Variants in CYB5R1 observed in about 807,000 individuals in gnomAD.
CYB5R1 encodes cytochrome b5 reductase 1.
A neutral mutation model predicts 37.4 loss-of-function variants in CYB5R1; 32 were observed. The ratio of observed to expected loss-of-function variants is 0.86; its 90% CI spans 0.65 to 1.15. The LOEUF (loss-of-function observed/expected upper bound fraction) is 1.15, where lower values mean the gene tolerates loss of function less well. CYB5R1 is among the 50% of genes most tolerant of loss of function. CYB5R1 has a pLI of 0.00. For synonymous variants in CYB5R1, 159 were observed against 155.2 expected (o/e 1.02, Z -0.18); for missense variants, 345 against 382.5 (o/e 0.90, Z 0.82).
chr1:202,965,343 C>T (rs1248186806), intron 5 of CYB5R1, 28 bp downstream of exon 5: 2 of 1,543,148 alleles, frequency 1.3e-6, no homozygotes, highest in African/African-American at 1.4e-5. Flanking sequence ...AAGTGGGAGA[C>T]AGGCTCAAGG....
At chr1:202,965,646 T>TTGAG in intron 4 of CYB5R1, 146 bp from the exon 5 acceptor site, 1 of 1,070,418 alleles carries the variant, frequency 9.3e-7, no homozygotes, top group Non-Finnish European at 1.3e-6. Flanking sequence ...TCTTTTTTTT[T>TTGAG]TTTGAGTCAG....
rs775782124 is a variant in CYB5R1 at position 202,965,406 on chromosome 1, C to G, written c.440G>C (p.Arg147Pro). Residue 147 changes from arginine to proline, a missense_variant, in exon 5 of 9, where the codon CGG becomes CCG. By Grantham distance (103) the Arg-to-Pro change is moderately radical. Coordinates refer to ENST00000367249, the MANE Select transcript of CYB5R1 (RefSeq NM_016243.3). ...GTAAGTGAGCAACCCGCTTGGCCCC[C>G]GAAACTCCACCACATCCCCAACCTT... is the stretch of plus-strand genomic sequence containing the variant. ...SLKVGDVVEF[R>P]GPSGLLTYTG... 6.2e-7 allele frequency: 1 copy of G among 1,603,292 alleles called. No individual in the cohort carries two copies. Among genetic ancestry groups the G allele is most frequent in the Non-Finnish European group, 8.5e-7 (1 of 1,174,872 alleles).
intron 5 of CYB5R1, chr1:202,965,066 C>T (rs1571577439): frequency 2.4e-6 from 1 of 408,192 alleles, no homozygotes; most frequent in South Asian, 3.3e-5. Flanking sequence ...TGAAAGCTAT[C>T]TCTGGCTCAC....
At position 202,964,148 on chromosome 1, in the gene CYB5R1, G is replaced by A. The variant is rs1237562583; in HGVS notation, c.560-421C>T. The A allele has an allele frequency of 2.7e-5, 5 of 187,754 alleles. No homozygotes were observed. In the South Asian group the frequency reaches 5.5e-4, roughly 20 times the overall value. The allele number at this position is 187,754 out of a possible 1,614,324, so 11.6% of individuals were successfully genotyped here. On this transcript the variant is annotated intron_variant, in intron 6 of 8. Transcript: ENST00000367249. ...CCATTACCAGTGAAATAACCCTGTG[G>A]AAATCATTTAGCCTCTCTGGAACCC...
chr1:202,965,718 C>T (rs1293669688), intron 4 of CYB5R1, among the ~76,000 whole-genome samples, 169 bp downstream of exon 4: 3 of 151,732 alleles, frequency 2.0e-5, no homozygotes, highest in Admixed American at 6.6e-5. Context: ...CTGCAACCTC[C>T]GCCTCCTGGG....
chr1:202,962,512 G>A lies in CYB5R1; in HGVS notation c.*15C>T. 2.5e-6 allele frequency: 4 copies of A among 1,593,742 alleles called. No homozygotes were observed. Among genetic ancestry groups the A allele is most frequent in the Non-Finnish European group, 1.7e-6 (2 of 1,168,440 alleles). The stretch of plus-strand genomic sequence containing the variant: ...AACAACTGCAGCGAACAGCACCAGG[G>A]AAGCTGGAGGATGCTCAGTAGGTGA... On this transcript the variant is annotated 3_prime_UTR_variant, in exon 9 of 9. Coordinates refer to ENST00000367249, the MANE Select transcript of CYB5R1 (RefSeq NM_016243.3).
chr1:202,965,652 G>A, intron 4 of CYB5R1, 152 bp from the exon 5 acceptor site: 1 of 883,518 alleles, frequency 1.1e-6, no homozygotes, highest in South Asian at 2.0e-5. Context: ...TTTTTTTTGA[G>A]TCAGAGTTTT....
Position 202,963,670 on chromosome 1 carries a change from G to T in CYB5R1, c.617C>A (p.Thr206Asn), listed in dbSNP as rs1204708530. 3 of 1,610,168 alleles carry T rather than the reference G, an allele frequency of 1.9e-6. No individual in the cohort carries two copies. In the African/African-American group the frequency reaches 4.0e-5, roughly 22 times the overall value. ...GTTGGCAAAAAGCAGAAAGCACTGGGTTGGATCTTCAGGGACTTTCAGGAT... is the reference window on the plus strand; with the variant it reads ...GTTGGCAAAAAGCAGAAAGCACTGGTTTGGATCTTCAGGGACTTTCAGGAT... ...RAILKVPEDP[T>N]QCFLLFANQT... The change falls in exon 7 of 9, where the codon ACC (threonine) becomes AAC (asparagine). Residue 206 changes from threonine (T) to asparagine (N), a missense_variant. Transcript: ENST00000367249.
rs1571578655 is a variant in CYB5R1, at chr1:202,967,226, A to G, written c.-21T>C. 2.0e-6 allele frequency: 3 copies of G among 1,509,550 alleles called. No individual in the cohort carries two copies. Among genetic ancestry groups the G allele is most frequent in the Non-Finnish European group, 2.7e-6 (3 of 1,120,562 alleles). The allele number at this position is 1,509,550 out of a possible 1,614,324, so 93.5% of individuals were successfully genotyped here. On this transcript the variant is annotated 5_prime_UTR_variant, in exon 1 of 9. Transcript: ENST00000367249. The stretch of plus-strand genomic sequence containing the variant: ...CCCATGACGGAGCGCCTTTTCCTCC[A>G]CCACCTGACAAGCCGACAGATCCCA...
chr1:202,965,599 T>A, intron 4 of CYB5R1, 99 bp from the exon 5 acceptor site: 2 of 1,264,788 alleles, frequency 1.6e-6, no homozygotes, highest in Non-Finnish European at 2.2e-6. Context: ...GGATCAGATA[T>A]GTGCTATCTT....
chr1:202,965,554 C>G (rs1053230726), intron 4 of CYB5R1, 54 bp from the exon 5 acceptor site: 6 of 1,533,412 alleles, frequency 3.9e-6, no homozygotes, highest in Non-Finnish European at 5.3e-6. Context: ...GTTTCTGAGC[C>G]CCATGTTGAC....
chr1:202,964,713 G>GAGAGC lies in CYB5R1; in HGVS notation c.476-23_476-19dup, dbSNP rs755660100. On this transcript the variant is annotated intron_variant, in intron 5 of 8. Transcript: ENST00000367249. ...AAAATGCCCTGAGAGGTCAGGTGAA[G>GAGAGC]AGAGCAGTGGAAGAATAAAGTCAAT... The GAGAGC allele has an allele frequency of 6.4e-7, 1 of 1,564,292 alleles. No individual in the cohort carries two copies. Among genetic ancestry groups the GAGAGC allele is most frequent in the Non-Finnish European group, 8.8e-7 (1 of 1,134,464 alleles).
Position 202,967,209 on chromosome 1 carries a change from G to A in CYB5R1, c.-4C>T, listed in dbSNP as rs1403854699. 3 of 1,611,852 alleles carry A rather than the reference G, an allele frequency of 1.9e-6. No homozygotes were observed. Among genetic ancestry groups the A allele is most frequent in the Admixed American group, 1.7e-5 (1 of 59,916 alleles). ...GTCTTACCGTCTGGATCCCCATGAC[G>A]GAGCGCCTTTTCCTCCACCACCTGA... On this transcript the variant is annotated 5_prime_UTR_variant, in exon 1 of 9. Transcript: ENST00000367249.
In CYB5R1 at chr1:202,966,850, C is replaced by A; in HGVS notation, c.64G>T (p.Gly22Cys). The change falls in exon 2 of 9, where the codon GGC (glycine) becomes TGC (cysteine). Residue 22 changes from glycine to cysteine, a missense_variant. Physicochemically the swap from Gly to Cys is radical, Grantham distance 159. Transcript: ENST00000367249. ...SLGVGLVTLL[G>C]LAVGSYLVRR... ...ACCAAGTAGGAGCCCACAGCCAGGCCGAGCAGAGTGACCAGCCCCACCCCC... is the reference window on the plus strand; with the variant it reads ...ACCAAGTAGGAGCCCACAGCCAGGCAGAGCAGAGTGACCAGCCCCACCCCC... 1.2e-6 allele frequency: 2 copies of A among 1,613,866 alleles called. No individual in the cohort carries two copies. Among genetic ancestry groups the A allele is most frequent in the South Asian group, 1.1e-5 (1 of 91,046 alleles).
chr1:202,965,198 G>A, intron 5 of CYB5R1, 173 bp downstream of exon 5: 1 of 721,944 alleles, frequency 1.4e-6, no homozygotes, highest in Non-Finnish European at 2.2e-6. Flanking sequence ...TGCTTCCTGT[G>A]GCAAATGGGG....
At chr1:202,962,900 G>C in intron 8 of CYB5R1, 166 bp downstream of exon 8, 1 of 945,994 alleles carries the variant, frequency 1.1e-6, no homozygotes. Flanking sequence ...TGGTAAACAG[G>C]AACCCAAAGG....
At chr1:202,963,874 C>T in intron 6 of CYB5R1, 147 bp from the exon 7 acceptor site, 1 of 471,614 alleles carries the variant, frequency 2.1e-6, no homozygotes. Flanking sequence ...CTAAACTCTT[C>T]CTGCATATTC....
rs1558020493 is a variant in CYB5R1 at position 202,964,621 on chromosome 1, C to CGGCAATCA, written c.542_549dup (p.Gly184Ter). The stretch of plus-strand genomic sequence containing the variant: ...CCTCAGTGTAATGCACCTGTCCCGC[C>CGGCAATCA]GGCAATCATTCCCAGTTTCTTCGCC... On this transcript the variant is annotated stop_gained and frameshift_variant, in exon 6 of 9. Transcript: ENST00000367249. LOFTEE classifies it high-confidence loss of function. 2 of 1,612,426 alleles carry CGGCAATCA rather than the reference C, an allele frequency of 1.2e-6. No homozygotes were observed. Among genetic ancestry groups the CGGCAATCA allele is most frequent in the South Asian group, 1.1e-5 (1 of 91,026 alleles).
intron 7 of CYB5R1, 140 bp from the exon 8 acceptor site, chr1:202,963,305 G>T: frequency 1.6e-6 from 1 of 633,300 alleles, no homozygotes; most frequent in Non-Finnish European, 2.8e-6. Context: ...GACTTGCAGT[G>T]CTTTTAGGGA....
Sources: allele counts gnomAD v4.1 joint callset (sites outside exome capture counted in the v4.1 genomes callset), GRCh38; gene constraint gnomAD v4.1.1; transcripts MANE v1.5; gene names NCBI Gene and HGNC (gene_info 2026-07-23, HGNC 2026-07-21).